NPEPPS: variants seen among roughly 807,000 people sequenced by gnomAD.
NPEPPS encodes the protein puromycin-sensitive aminopeptidase.
NPEPPS carries 14 observed loss-of-function variants against 115.5 expected under a neutral mutation model. That is an observed-to-expected ratio of 0.12 (90% CI 0.08 to 0.19). The LOEUF (loss-of-function observed/expected upper bound fraction) is 0.19, where lower values mean the gene tolerates loss of function less well. Among genes scored for constraint, NPEPPS ranks in the 10% least tolerant of loss-of-function variants. The probability of loss-of-function intolerance (pLI) is 1.00; values close to 1 mark genes in which losing one functional copy is unlikely to be tolerated. For synonymous variants in NPEPPS, 285 were observed against 390.6 expected, an observed-to-expected ratio of 0.73 and a Z score of 3.19; for missense variants, 523 against 1,110.8, an observed-to-expected ratio of 0.47 and a Z score of 7.52.
chr17:47,569,023 G>A (rs1300416496), intron 2 of NPEPPS, among the ~76,000 whole-genome samples: 8 of 152,204 alleles, frequency 5.3e-5, no homozygotes, highest in Admixed American at 4.6e-4. Context: ...TACCTTTGGG[G>A]GAACAGACCT....
At chr17:47,579,831 T>C in intron 4 of NPEPPS, 1 of 189,984 alleles carries the variant, frequency 5.3e-6, no homozygotes, top group South Asian at 8.9e-5. Context: ...TGGCTTTTCC[T>C]ACAGTATTAT....
chr17:47,609,346 C>T (rs1441643873), intron 17 of NPEPPS, among the ~76,000 whole-genome samples: 1 of 152,128 alleles, frequency 6.6e-6, no homozygotes, highest in East Asian at 1.9e-4. Context: ...ACTTTTCTTT[C>T]ATGATGATAA....
At chr17:47,566,193 G>A (rs1011698052) in intron 2 of NPEPPS, among the ~76,000 whole-genome samples, 1 of 152,122 alleles carries the variant, frequency 6.6e-6, no homozygotes, top group African/African-American at 2.4e-5. Context: ...TGCCCAGGTT[G>A]ATTTTGAACT....
chr17:47,564,468 TTCTC>T (rs1910662907), intron 2 of NPEPPS, among the ~76,000 whole-genome samples: 3 of 152,202 alleles, frequency 2.0e-5, no homozygotes, highest in Middle Eastern at 6.8e-3. Flanking sequence ...CCTTATAAGA[TTCTC>T]TCATACTCCA....
rs573811210 is a variant in NPEPPS at position 47,594,144 on chromosome 17, C to T, written c.1426+1599C>T. On this transcript the variant is annotated intron_variant, in intron 12 of 22. Transcript: ENST00000322157. ...CACTCCAGCCTGGGCAACAGCGAAA[C>T]GCGGTCTCAAAAGAAAATAAGGTGC... Among the ~76,000 whole-genome samples the T allele has an allele frequency of 1.2e-4, 18 of 152,144 alleles. No homozygotes were observed. The East Asian group carries it at 2.7e-3, about 23-fold the overall frequency.
rs549203278 is a variant in NPEPPS at position 47,562,635 on chromosome 17, T to A, written c.341-6782T>A. 2.3e-4 allele frequency among the ~76,000 whole-genome samples: 33 copies of A among 142,126 alleles called. No individual in the cohort carries two copies. In the East Asian group the frequency reaches 5.6e-3, roughly 24 times the overall value. 93.2% of individuals were successfully genotyped at this position (142,126 alleles called of 152,430 possible). The stretch of plus-strand genomic sequence containing the variant: ...GTGTGTGTGTGTGTGTGTGTGTGTA[T>A]ATGTGTGTGTTTGTAGAGGGCTAAC... On this transcript the variant is annotated intron_variant, in intron 2 of 22. Coordinates refer to ENST00000322157, the MANE Select transcript of NPEPPS (RefSeq NM_006310.4).
intron 2 of NPEPPS, among the ~76,000 whole-genome samples, chr17:47,566,329 T>C (rs1194846108): frequency 1.3e-5 from 2 of 151,908 alleles, no homozygotes; most frequent in Non-Finnish European, 2.9e-5. Flanking sequence ...CTAATGGATG[T>C]GTAGTGATAT....
intron 12 of NPEPPS, among the ~76,000 whole-genome samples, chr17:47,594,614 A>ATGTTATGT (rs1370576552): frequency 6.8e-6 from 1 of 146,656 alleles, no homozygotes; most frequent in Non-Finnish European, 1.5e-5. Context: ...ATGTTATGTT[A>ATGTTATGT]TGTTATGTTA....
intron 6 of NPEPPS, 52 bp downstream of exon 6, chr17:47,585,752 G>A: frequency 7.6e-7 from 1 of 1,311,980 alleles, no homozygotes; most frequent in South Asian, 1.2e-5. Context: ...CCAGGTTGGG[G>A]AATTTACATT....
rs769192179 is a variant in NPEPPS at position 47,590,892 on chromosome 17, C to T, written c.1260+11C>T. The stretch of plus-strand genomic sequence containing the variant: ...AGCCATCCTATTGAAGTGAGCCATA[C>T]TTTCTAACCATTAGCCTATGACTGC... On this transcript the variant is annotated intron_variant, in intron 10 of 22. Coordinates refer to ENST00000322157, the MANE Select transcript of NPEPPS (RefSeq NM_006310.4). 3 of 1,536,928 alleles carry T rather than the reference C, an allele frequency of 2.0e-6. No individual in the cohort carries two copies. The South Asian group carries it at 3.8e-5, about 19-fold the overall frequency.
intron 17 of NPEPPS, among the ~76,000 whole-genome samples, chr17:47,607,405 G>T (rs1408318307): frequency 6.6e-6 from 1 of 152,174 alleles, no homozygotes; most frequent in Non-Finnish European, 1.5e-5. Flanking sequence ...GGTATTCGAG[G>T]AATAACAAGA....
At chr17:47,551,962 CTTTCTTTTTTTTTTT>C (rs1342266819) in intron 2 of NPEPPS, among the ~76,000 whole-genome samples, 8 of 114,976 alleles carry the variant, frequency 7.0e-5, no homozygotes, top group African/African-American at 1.7e-4. Flanking sequence ...GTTGGGATTT[CTTTCTTTTTTTTTTT>C]TTTCTTTTTT....
chr17:47,594,171 A>G (rs1429005682), intron 12 of NPEPPS, among the ~76,000 whole-genome samples: 1 of 152,124 alleles, frequency 6.6e-6, no homozygotes, highest in Non-Finnish European at 1.5e-5. Flanking sequence ...ATAAGGTGCT[A>G]CACCTGAATG....
At chr17:47,532,291 T>G (rs1907857689) in intron 1 of NPEPPS, among the ~76,000 whole-genome samples, 1 of 152,070 alleles carries the variant, frequency 6.6e-6, no homozygotes, top group Non-Finnish European at 1.5e-5. Context: ...CCACCTATCT[T>G]CCTAGCTTTG....
intron 1 of NPEPPS, among the ~76,000 whole-genome samples, 188 bp downstream of exon 1, chr17:47,531,743 C>CGGGGCA (rs1907792441): frequency 7.1e-6 from 1 of 140,164 alleles, no homozygotes; most frequent in Non-Finnish European, 1.5e-5. Flanking sequence ...GGGCTGGGGC[C>CGGGGCA]GGGGCAGGGA....
At chr17:47,582,969 A>G in intron 5 of NPEPPS, 120 bp downstream of exon 5, 1 of 530,594 alleles carries the variant, frequency 1.9e-6, no homozygotes, top group Non-Finnish European at 3.3e-6. Context: ...TAGGAACATA[A>G]ATATTAGTTT....
rs1163234230 is a variant in NPEPPS at position 47,573,185 on chromosome 17, A to G, written c.418+3691A>G. Among the ~76,000 whole-genome samples the G allele has an allele frequency of 2.0e-5, 3 of 152,330 alleles. No homozygotes were observed. The East Asian group carries it at 5.8e-4, about 29-fold the overall frequency. On this transcript the variant is annotated intron_variant, in intron 3 of 22. Transcript: ENST00000322157. ...AGAGACTAGCTTAAAAAATGTAAAAATTGCCACACTGACTGAAATTTTAGA... is the reference window on the plus strand; with the variant it reads ...AGAGACTAGCTTAAAAAATGTAAAAGTTGCCACACTGACTGAAATTTTAGA...
At chr17:47,619,679 T>C (rs906419158) in intron 21 of NPEPPS, 58 bp from the exon 22 acceptor site, 7 of 1,357,868 alleles carry the variant, frequency 5.2e-6, no homozygotes, top group Admixed American at 3.4e-5. Flanking sequence ...TTAGGGTAAA[T>C]GGAAGTTTGT....
At chr17:47,551,046 G>A (rs967592184) in intron 2 of NPEPPS, among the ~76,000 whole-genome samples, 1 of 152,136 alleles carries the variant, frequency 6.6e-6, no homozygotes. Context: ...CTTGTTATAA[G>A]ACAAGACCTG....
Sources: allele counts gnomAD v4.1 joint callset (sites outside exome capture counted in the v4.1 genomes callset), GRCh38; gene constraint gnomAD v4.1.1; transcripts MANE v1.5; gene names NCBI Gene and HGNC (gene_info 2026-07-23, HGNC 2026-07-21).